XYLB: variants seen among roughly 807,000 people sequenced by gnomAD.
The protein encoded by XYLB is xylulokinase.
A neutral mutation model predicts 78.7 loss-of-function variants in XYLB; 62 were observed. That is an observed-to-expected ratio of 0.79 (90% CI 0.64 to 0.97). The LOEUF (loss-of-function observed/expected upper bound fraction) is 0.97. Among genes scored for constraint, XYLB ranks in the 50% least tolerant of loss-of-function variants. The probability of loss-of-function intolerance (pLI) is 0.00; values close to 1 mark genes in which losing one functional copy is unlikely to be tolerated. For synonymous variants in XYLB, 245 were observed against 247.4 expected, an observed-to-expected ratio of 0.99 and a Z score of 0.09; for missense variants, 687 against 676.8, an observed-to-expected ratio of 1.02 and a Z score of -0.17.
intron 9 of XYLB, among the ~76,000 whole-genome samples, chr3:38,371,762 C>G (rs1265939324): frequency 6.6e-6 from 1 of 152,176 alleles, no homozygotes; most frequent in African/African-American, 2.4e-5. Flanking sequence ...CAAAGCCAAA[C>G]CATCAGCATC....
intron 15 of XYLB, among the ~76,000 whole-genome samples, chr3:38,389,159 C>G (rs1707533022): frequency 6.8e-6 from 1 of 146,738 alleles, no homozygotes; most frequent in Non-Finnish European, 1.5e-5. Flanking sequence ...AACGAGCATG[C>G]TGCCTTCAAG....
At chr3:38,418,571 C>G (rs6807940), downstream of XYLB, among the ~76,000 whole-genome samples, 78,372 of 151,936 alleles carry the variant, frequency 0.52, 21,313 homozygotes, top group Non-Finnish European at 0.61. Context: ...CATTAATATA[C>G]GACAGATTGA....
chr3:38,415,080 T>C (rs1342381124), downstream of XYLB: 2 of 152,212 alleles, frequency 1.3e-5, no homozygotes, highest in Non-Finnish European at 2.9e-5. Context: ...CCAACTATAC[T>C]TTGAAGCCAA....
At chr3:38,390,820 G>C (rs1437694498) in intron 15 of XYLB, among the ~76,000 whole-genome samples, 2 of 152,182 alleles carry the variant, frequency 1.3e-5, no homozygotes, top group Non-Finnish European at 2.9e-5. Context: ...ACTATGCTCA[G>C]TCAGTTTATT....
At chr3:38,412,115 C>G (rs188419077) in intron 18 of XYLB, among the ~76,000 whole-genome samples, 35 of 151,914 alleles carry the variant, frequency 2.3e-4, no homozygotes, top group Admixed American at 4.6e-4. Context: ...CTCAGCCTCT[C>G]GAGTAGTTGG....
intron 7 of XYLB, among the ~76,000 whole-genome samples, chr3:38,367,746 G>A (rs575606875): frequency 6.6e-6 from 1 of 152,198 alleles, no homozygotes; most frequent in African/African-American, 2.4e-5. Context: ...GGCTTCTGAG[G>A]AGCCAGCTTT....
chr3:38,382,824 C>G (rs1426692143), intron 15 of XYLB, among the ~76,000 whole-genome samples: 1 of 152,226 alleles, frequency 6.6e-6, no homozygotes, highest in African/African-American at 2.4e-5. Flanking sequence ...TAAGGCATTT[C>G]TTGTGCAAAA....
At chr3:38,408,955 G>A (rs1708454748) in intron 18 of XYLB, among the ~76,000 whole-genome samples, 1 of 152,138 alleles carries the variant, frequency 6.6e-6, no homozygotes, top group Non-Finnish European at 1.5e-5. Context: ...TCTACCAGAG[G>A]TACAAGGAGG....
chr3:38,349,950 C>T (rs1157950431), intron 2 of XYLB, among the ~76,000 whole-genome samples: 1 of 152,174 alleles, frequency 6.6e-6, no homozygotes, highest in East Asian at 1.9e-4. Flanking sequence ...AACTTAATTG[C>T]CTTTTTAAAG....
At chr3:38,369,095 GA>G (rs1291470419) in intron 8 of XYLB, among the ~76,000 whole-genome samples, 10 of 152,264 alleles carry the variant, frequency 6.6e-5, no homozygotes, top group African/African-American at 2.4e-4. Flanking sequence ...CAGAGCCGTG[GA>G]TATGGCTTCA....
chr3:38,437,396 G>A, the XYLB span, among the ~76,000 whole-genome samples: 27 of 152,216 alleles, frequency 1.8e-4, no homozygotes, highest in Admixed American at 3.9e-4. Flanking sequence ...CATAGTACTG[G>A]AAGTCCTAGC....
At chr3:38,347,542 T>G (rs1488578568) in intron 1 of XYLB, among the ~76,000 whole-genome samples, 1 of 151,872 alleles carries the variant, frequency 6.6e-6, no homozygotes, top group East Asian at 1.9e-4. Flanking sequence ...TAGCCGGGCA[T>G]GGTGGAGCAC....
chr3:38,432,546 A>G, the XYLB span, among the ~76,000 whole-genome samples: 2 of 151,988 alleles, frequency 1.3e-5, no homozygotes. Context: ...CTGCCTGGTG[A>G]CAGAGCTAGA....
chr3:38,419,762 T>G (rs957771601), downstream of XYLB, among the ~76,000 whole-genome samples: 1 of 151,402 alleles, frequency 6.6e-6, no homozygotes, highest in Non-Finnish European at 1.5e-5. Context: ...TTTTTTCAAT[T>G]GTTTTTGCTA....
At chr3:38,423,699 A>T (rs933802738), downstream of XYLB, among the ~76,000 whole-genome samples, 12 of 152,336 alleles carry the variant, frequency 7.9e-5, no homozygotes, top group Admixed American at 7.8e-4. Context: ...CAAGCAATTG[A>T]ACCTACTCGT....
chr3:38,440,406 T>C, the XYLB span, among the ~76,000 whole-genome samples: 1 of 152,216 alleles, frequency 6.6e-6, no homozygotes, highest in Non-Finnish European at 1.5e-5. Context: ...AGCAGACCAA[T>C]TATTAAGCAA....
intron 15 of XYLB, 119 bp downstream of exon 15, chr3:38,379,461 G>T: frequency 1.1e-6 from 1 of 911,016 alleles, no homozygotes. Context: ...GACTTGTGCA[G>T]GAGGGAGGTG....
the XYLB span, among the ~76,000 whole-genome samples, chr3:38,450,335 T>A: frequency 6.6e-6 from 1 of 152,262 alleles, no homozygotes; most frequent in Non-Finnish European, 1.5e-5. Flanking sequence ...GAATTCATTA[T>A]AATTATATAG....
At chr3:38,449,280 G>C in the XYLB span, among the ~76,000 whole-genome samples, 3 of 152,012 alleles carry the variant, frequency 2.0e-5, no homozygotes, top group African/African-American at 7.3e-5. Flanking sequence ...GTGCCACCAT[G>C]CCCAGCTAAT....
Sources: allele counts gnomAD v4.1 joint callset (sites outside exome capture counted in the v4.1 genomes callset), GRCh38; gene constraint gnomAD v4.1.1; transcripts MANE v1.5; gene names NCBI Gene and HGNC (gene_info 2026-07-23, HGNC 2026-07-21).